Variants in REC8 observed in about 807,000 individuals in gnomAD.
The protein encoded by REC8 is meiotic recombination protein REC8 homolog.
A neutral mutation model predicts 78.3 loss-of-function variants in REC8; 42 were observed. That is an observed-to-expected ratio of 0.54 (90% CI 0.42 to 0.69). The LOEUF (loss-of-function observed/expected upper bound fraction) is 0.69, where lower values mean the gene tolerates loss of function less well. Among genes scored for constraint, REC8 ranks in the 30% least tolerant of loss-of-function variants. The pLI is 0.00. For synonymous variants in REC8, 268 were observed against 274.1 expected, an observed-to-expected ratio of 0.98 and a Z score of 0.22; for missense variants, 581 against 715.8, an observed-to-expected ratio of 0.81 and a Z score of 2.15.
At position 24,177,546 on chromosome 14, in the gene REC8, G is replaced by A; in HGVS notation, c.814+5G>A. On this transcript the variant is annotated splice_donor_5th_base_variant and intron_variant, in intron 10 of 18. Transcript: ENST00000611366. ...AACCTGGGGCCCTACTCATGGGTGAGTGCCCACCATGCCCCAGGGGCTTTT... is the reference window on the plus strand; with the variant it reads ...AACCTGGGGCCCTACTCATGGGTGAATGCCCACCATGCCCCAGGGGCTTTT... 1 of 1,612,070 alleles carries A rather than the reference G, an allele frequency of 6.2e-7. No individual in the cohort carries two copies. Among genetic ancestry groups the A allele is most frequent in the Non-Finnish European group, 8.5e-7 (1 of 1,178,836 alleles).
chr14:24,173,288 C>T lies in REC8; in HGVS notation c.342-3C>T. The T allele has an allele frequency of 6.2e-7, 1 of 1,614,240 alleles. No homozygotes were observed. Among genetic ancestry groups the T allele is most frequent in the Non-Finnish European group, 8.5e-7 (1 of 1,180,036 alleles). ...GTCCTTCACGGCCTACATTCTCTCC[C>T]AGACCCAGCCTGCTGCTTCCTAACC... On this transcript the variant is annotated splice_polypyrimidine_tract_variant and splice_region_variant and intron_variant, in intron 4 of 18. Transcript: ENST00000611366.
At chr14:24,179,527 G>A in intron 16 of REC8, 64 bp downstream of exon 16, 1 of 1,613,818 alleles carries the variant, frequency 6.2e-7, no homozygotes, top group Non-Finnish European at 8.5e-7. Context: ...GGAAACAGCT[G>A]CTGGGATGGG....
At chr14:24,178,002 G>A (rs763414234) in intron 11 of REC8, 89 bp from the exon 12 acceptor site, 74 of 1,536,894 alleles carry the variant, frequency 4.8e-5, no homozygotes, top group Non-Finnish European at 5.6e-5. Context: ...CTCTAGGGGC[G>A]GGTGTGGGGT....
intron 6 of REC8, among the ~76,000 whole-genome samples, chr14:24,176,599 T>C (rs1345193345): frequency 1.3e-5 from 2 of 152,032 alleles, no homozygotes; most frequent in African/African-American, 4.8e-5. Context: ...AGTGTTGGGA[T>C]TACAGGTGTG....
At chr14:24,180,594 A>G (rs1241337873), downstream of REC8, 5 of 1,612,552 alleles carry the variant, frequency 3.1e-6, no homozygotes, top group Non-Finnish European at 4.2e-6. Context: ...GGGAGGGAGA[A>G]AGGTCGGGGC....
Position 24,172,986 on chromosome 14 carries a change from CCAA to C in REC8, c.215_217del (p.Gln72del). The C allele has an allele frequency of 6.2e-7, 1 of 1,609,302 alleles. No homozygotes were observed. The highest frequency in any genetic ancestry group is 8.5e-7 in the Non-Finnish European group (1 of 1,180,020). On this transcript the variant is annotated inframe_deletion, in exon 3 of 19. Coordinates refer to ENST00000611366, the MANE Select transcript of REC8 (RefSeq NM_001048205.2). The stretch of plus-strand genomic sequence containing the variant: ...CCCGCTTCTCCCTCTATCTCTCAGC[CCAA>C]CTTCAGATCGGTGTGATCCGCGTCT...
At chr14:24,177,257 G>C (rs768329805) in intron 8 of REC8, 35 bp downstream of exon 8, 15 of 1,612,792 alleles carry the variant, frequency 9.3e-6, no homozygotes, top group Non-Finnish European at 7.6e-6. Flanking sequence ...CCCGCCTGGA[G>C]CTGGATAGTC....
In REC8 at chr14:24,172,899, C is replaced by T. The variant is rs745726857; in HGVS notation, c.126C>T (p.Cys42=). Residue 42 remains cysteine (C), a splice_region_variant and synonymous_variant, in exon 3 of 19, where the codon TGC becomes TGT. Transcript: ENST00000611366. ...GTAATCAGGGCGCATTGTTCCCCAG[C>T]GAGGAAATCCTCAATTACGTGCTGG... ...EYLRVNVVKT[C]EEILNYVLVR... is the part of the protein sequence containing the mutation. The T allele has an allele frequency of 6.2e-7, 1 of 1,612,964 alleles. No individual in the cohort carries two copies. Among genetic ancestry groups the T allele is most frequent in the South Asian group, 1.1e-5 (1 of 91,084 alleles).
chr14:24,175,771 A>C (rs956014556), intron 6 of REC8, 147 bp downstream of exon 6: 88 of 612,624 alleles, frequency 1.4e-4, no homozygotes, highest in Non-Finnish European at 2.0e-4. Context: ...TGCCCAGGCT[A>C]CAGTGCAGTG....
rs758743838 is a variant in REC8, at chr14:24,172,755, C to T, written c.99C>T (p.Tyr33=). 7 of 1,614,074 alleles carry T rather than the reference C, an allele frequency of 4.3e-6. No homozygotes were observed. Among genetic ancestry groups the T allele is most frequent in the African/African-American group, 2.7e-5 (2 of 74,920 alleles). Residue 33 remains tyrosine, a synonymous_variant, in exon 2 of 19, where the codon TAC becomes TAT. Transcript: ENST00000611366. ...GCAGCCGGTTGGTGAAGCGCGAATA[C>T]CTGAGGGTGAATGTGGTGAAAACCT... ...TRGSRLVKRE[Y]LRVNVVKTCE... is the part of the protein sequence containing the mutation.
chr14:24,179,346 C>T lies in REC8; in HGVS notation c.1253-51C>T, dbSNP rs562619872. The stretch of plus-strand genomic sequence containing the variant: ...TACTTACACCAGGTGGCCACAAGGC[C>T]CTAACTGCCACCCAAGCAGACACCC... On this transcript the variant is annotated intron_variant, in intron 15 of 18. Coordinates refer to ENST00000611366, the MANE Select transcript of REC8 (RefSeq NM_001048205.2). The T allele has an allele frequency of 8.0e-5, 128 of 1,599,774 alleles. 1 individual carries two copies. The South Asian group carries it at 1.3e-3, about 16-fold the overall frequency.
chr14:24,173,046 G>A lies in REC8; in HGVS notation c.268+5G>A, dbSNP rs185284630. 6.2e-7 allele frequency: 1 copy of A among 1,609,884 alleles called. No homozygotes were observed. The highest frequency in any genetic ancestry group is 2.2e-5 in the East Asian group (1 of 44,890). The stretch of plus-strand genomic sequence containing the variant: ...AACAATGCCAGTACCTCGTGGGTAA[G>A]GCTGGGAACCCTCAAAGGTGGGGCG... On this transcript the variant is annotated splice_donor_5th_base_variant and intron_variant, in intron 3 of 18. Coordinates refer to ENST00000611366, the MANE Select transcript of REC8 (RefSeq NM_001048205.2).
chr14:24,177,831 C>T (rs2038969716), intron 11 of REC8, 73 bp downstream of exon 11: 4 of 1,498,770 alleles, frequency 2.7e-6, no homozygotes, highest in Non-Finnish European at 3.6e-6. Context: ...TCCCCAAGCC[C>T]AGGGCCACTG....
Position 24,177,716 on chromosome 14 carries a change from C to G in REC8, c.822C>G (p.Thr274=), listed in dbSNP as rs1453495916. The G allele has an allele frequency of 1.9e-6, 3 of 1,610,448 alleles. No homozygotes were observed. Among genetic ancestry groups the G allele is most frequent in the Non-Finnish European group, 2.5e-6 (3 of 1,178,396 alleles). Residue 274 remains threonine, a synonymous_variant, in exon 11 of 19, where the codon ACC becomes ACG. Transcript: ENST00000611366. ...CCTTGGGTGTTGTTGCAGAGGTGAC[C>G]CCCCCGGAGGAGCTGCGTCTGCCAG... ...WEPGALLMEV[T]PPEELRLPAP...
intron 5 of REC8, among the ~76,000 whole-genome samples, chr14:24,174,724 C>T (rs1399781829): frequency 6.6e-6 from 1 of 152,176 alleles, no homozygotes; most frequent in Non-Finnish European, 1.5e-5. Flanking sequence ...CCATAATGGT[C>T]ACCCCTCATC....
At position 24,180,190 on chromosome 14, in the gene REC8, T is replaced by G; in HGVS notation, c.*95T>G. 1 of 1,599,698 alleles carries G rather than the reference T, an allele frequency of 6.3e-7. No homozygotes were observed. Among genetic ancestry groups the G allele is most frequent in the Non-Finnish European group, 8.5e-7 (1 of 1,177,838 alleles). On this transcript the variant is annotated 3_prime_UTR_variant, in exon 19 of 19. Transcript: ENST00000611366. The stretch of plus-strand genomic sequence containing the variant: ...GTCCTGCTTACCTCATTTCTGAATG[T>G]GCATTTCCAGCCTTCTTGCTCTCAG...
chr14:24,172,391 G>T lies in REC8; in HGVS notation c.-162G>T. 3 of 646,774 alleles carry T rather than the reference G, an allele frequency of 4.6e-6. No homozygotes were observed. The highest frequency in any genetic ancestry group is 3.9e-5 in the South Asian group (2 of 50,850). The allele number at this position is 646,774 out of a possible 1,614,324, so 40.1% of individuals were successfully genotyped here. A position where few individuals can be genotyped will look rare whatever the true frequency, so the allele number is the denominator to read the frequency against. ...GTAATTGTGTATCTGCCCATTGTTC[G>T]TTGCCTCATTAACTTGGCTTTCTAG... On this transcript the variant is annotated 5_prime_UTR_variant, in exon 1 of 19. Coordinates refer to ENST00000611366, the MANE Select transcript of REC8 (RefSeq NM_001048205.2).
chr14:24,173,547 C>T (rs1338551031), intron 5 of REC8, 136 bp downstream of exon 5: 1 of 1,492,390 alleles, frequency 6.7e-7, no homozygotes, highest in Non-Finnish European at 9.0e-7. Context: ...GGGGGACTGC[C>T]AAGGTGGACC....
In REC8 at chr14:24,177,326, C is replaced by T; in HGVS notation, c.707-27C>T. 4 of 1,614,158 alleles carry T rather than the reference C, an allele frequency of 2.5e-6. No homozygotes were observed. In the African/African-American group the frequency reaches 4.0e-5, roughly 16 times the overall value. ...ATGCTCCCATTTCTCTTTTTCTGTC[C>T]TCTGAACTCTGATTCTCTCTCCACA... is the stretch of plus-strand genomic sequence containing the variant. On this transcript the variant is annotated intron_variant, in intron 8 of 18. Transcript: ENST00000611366.
Sources: gnomAD v4.1 joint callset for allele counts (sites outside exome capture counted in the v4.1 genomes callset) on GRCh38, gnomAD v4.1.1 for gene constraint, MANE v1.5 for transcripts, NCBI Gene and HGNC (gene_info 2026-07-23, HGNC 2026-07-21) for gene names.